MYO10: variants seen among roughly 807,000 people sequenced by gnomAD.
MYO10 encodes myosin X.
Under a neutral mutation model 257.3 loss-of-function variants are expected in MYO10, and 133 were observed. The ratio of observed to expected loss-of-function variants is 0.52; its 90% CI spans 0.45 to 0.60. The LOEUF is 0.60. Among genes scored for constraint, MYO10 ranks in the 20% least tolerant of loss-of-function variants. MYO10 has a pLI of 0.00. For missense variants in MYO10, 2,399 were observed against 2,635.7 expected, an observed-to-expected ratio of 0.91 and a Z score of 1.97; for synonymous variants, 1,104 against 1,028.6, an observed-to-expected ratio of 1.07 and a Z score of -1.40.
chr5:16,864,672 CAT>C (rs1744192836), intron 2 of MYO10, among the ~76,000 whole-genome samples: 3 of 152,168 alleles, frequency 2.0e-5, no homozygotes, highest in Admixed American at 2.0e-4. Flanking sequence ...TAAACATGCA[CAT>C]GTTTAGCCTG....
intron 19 of MYO10, among the ~76,000 whole-genome samples, chr5:16,741,121 G>A (rs1221475785): frequency 6.6e-6 from 1 of 152,156 alleles, no homozygotes; most frequent in Non-Finnish European, 1.5e-5. Context: ...ATCGGGGGGA[G>A]GCAGAGATTA....
At chr5:16,902,292 C>G in intron 1 of MYO10, 2 of 800,102 alleles carry the variant, frequency 2.5e-6, no homozygotes, top group South Asian at 2.7e-5. Context: ...GAACTCAGCT[C>G]CTTACATGGG....
intron 19 of MYO10, among the ~76,000 whole-genome samples, chr5:16,733,342 G>A (rs1311160137): frequency 6.6e-6 from 1 of 152,006 alleles, no homozygotes; most frequent in African/African-American, 2.4e-5. Flanking sequence ...GATCAAGTCA[G>A]CCCTTTTCAT....
intron 3 of MYO10, among the ~76,000 whole-genome samples, chr5:16,798,135 T>C (rs1221433520): frequency 6.6e-6 from 1 of 152,200 alleles, no homozygotes; most frequent in Non-Finnish European, 1.5e-5. Context: ...TCCCACCAGA[T>C]GCCAGCGCCA....
chr5:16,763,796 C>T (rs536496920), intron 12 of MYO10, 41 bp from the exon 13 acceptor site: 1 of 1,177,706 alleles, frequency 8.5e-7, no homozygotes, highest in African/African-American at 1.5e-5. Context: ...TTAGTGTACT[C>T]ACGATTATAT....
Position 16,704,614 on chromosome 5 carries a change from C to T in MYO10, c.2241G>A (p.Met747Ile). The change falls in exon 22 of 41, where the codon ATG becomes ATA. Residue 747 changes from methionine to isoleucine, a missense_variant. Physicochemically the swap from Met to Ile is conservative, Grantham distance 10. Transcript: ENST00000513610. Reference sequence around the variant, plus strand: ...AGCCCAAGACATGGGCCCGAATCACCATGGCCGCGTGGCTCACTTCCTCTT... The same window carrying T: ...AGCCCAAGACATGGGCCCGAATCACTATGGCCGCGTGGCTCACTTCCTCTT... ...RREEEVSHAA[M>I]VIRAHVLGFL... 3 of 1,613,940 alleles carry T rather than the reference C, an allele frequency of 1.9e-6. No homozygotes were observed. Among genetic ancestry groups the T allele is most frequent in the Non-Finnish European group, 2.5e-6 (3 of 1,179,894 alleles).
intron 2 of MYO10, among the ~76,000 whole-genome samples, chr5:16,871,484 G>C (rs1013787607): frequency 6.6e-6 from 1 of 152,092 alleles, no homozygotes; most frequent in Non-Finnish European, 1.5e-5. Context: ...GCATGTGCCC[G>C]TGGTCCCAGC....
intron 19 of MYO10, among the ~76,000 whole-genome samples, chr5:16,725,073 TTCTTC>T (rs1178223511): frequency 7.4e-6 from 1 of 135,770 alleles, no homozygotes; most frequent in Non-Finnish European, 1.6e-5. Context: ...TCTCACCTTC[TTCTTC>T]TTTTTTTTTT....
chr5:16,861,363 C>T (rs956777090), intron 2 of MYO10, among the ~76,000 whole-genome samples: 2 of 151,600 alleles, frequency 1.3e-5, no homozygotes, highest in African/African-American at 4.8e-5. Context: ...GTCAGGGGTT[C>T]GAGACCAGCC....
At chr5:16,761,167 T>C (rs1740703020) in intron 17 of MYO10, among the ~76,000 whole-genome samples, 1 of 152,006 alleles carries the variant, frequency 6.6e-6, no homozygotes, top group Non-Finnish European at 1.5e-5. Context: ...ATTTTTGTAT[T>C]TTCAGTAGAG....
intron 2 of MYO10, among the ~76,000 whole-genome samples, chr5:16,875,227 C>T (rs1161079100): frequency 6.6e-6 from 1 of 152,222 alleles, no homozygotes; most frequent in Non-Finnish European, 1.5e-5. Context: ...TTTTGTTAAA[C>T]GAATGACACT....
At chr5:16,821,179 C>T (rs1323815505) in intron 2 of MYO10, among the ~76,000 whole-genome samples, 2 of 148,088 alleles carry the variant, frequency 1.4e-5, no homozygotes, top group Non-Finnish European at 3.0e-5. Flanking sequence ...TATAAAATGA[C>T]TTAATGTTTA....
At position 16,663,325 on chromosome 5, in the gene MYO10, G is replaced by GTTTTT. The variant is rs1561158360; in HGVS notation, c.*3366_*3367insAAAAA. The GTTTTT allele has an allele frequency of 7.3e-5, 3 of 41,322 alleles. No homozygotes were observed. The highest frequency in any genetic ancestry group is 1.3e-4 in the African/African-American group (1 of 7,436). The allele number at this position is 41,322 out of a possible 1,614,324, so 2.6% of individuals were successfully genotyped here. The stretch of plus-strand genomic sequence containing the variant: ...GGAAAAAAGTAACATTTTACTTCTA[G>GTTTTT]TTGTTTTTTTTTTTTTTTTTTTTTT... On this transcript the variant is annotated 3_prime_UTR_variant, in exon 41 of 41. Transcript: ENST00000513610.
intron 19 of MYO10, among the ~76,000 whole-genome samples, chr5:16,750,612 G>A (rs1167259950): frequency 6.6e-6 from 1 of 152,124 alleles, no homozygotes; most frequent in Non-Finnish European, 1.5e-5. Context: ...GCAGCTACAG[G>A]TGTTTCTGTT....
chr5:16,703,741 G>A (rs912078565), intron 22 of MYO10, among the ~76,000 whole-genome samples: 6 of 152,062 alleles, frequency 3.9e-5, no homozygotes, highest in African/African-American at 1.4e-4. Context: ...AATTAGCCAG[G>A]TGTGGTGGCA....
At chr5:16,807,491 C>T (rs113847300) in intron 3 of MYO10, among the ~76,000 whole-genome samples, 1,879 of 152,154 alleles carry the variant, frequency 0.012, 16 homozygotes, top group Middle Eastern at 0.017. Context: ...GACCAAGTGA[C>T]GCTTCCCCAA....
chr5:16,777,466 G>A (rs1463401914), intron 9 of MYO10, among the ~76,000 whole-genome samples: 1 of 152,186 alleles, frequency 6.6e-6, no homozygotes, highest in African/African-American at 2.4e-5. Context: ...ACAGACAGTT[G>A]TAACAAATAA....
At chr5:16,915,869 A>G (rs1020811593) in intron 1 of MYO10, among the ~76,000 whole-genome samples, 11 of 151,950 alleles carry the variant, frequency 7.2e-5, no homozygotes, top group African/African-American at 2.7e-4. Context: ...AGGCACGAGA[A>G]TTGCTTGAAC....
Position 16,685,045 on chromosome 5 carries a change from CAAAA to C in MYO10, c.3990+689_3990+692del, listed in dbSNP as rs371145574. 3.0e-4 allele frequency among the ~76,000 whole-genome samples: 42 copies of C among 137,730 alleles called. No homozygotes were observed. In the South Asian group the frequency reaches 7.7e-3, roughly 25 times the overall value. 90.4% of individuals were successfully genotyped at this position (137,730 alleles called of 152,430 possible). A position where few individuals can be genotyped will look rare whatever the true frequency, so the allele number is the denominator to read the frequency against. The stretch of plus-strand genomic sequence containing the variant: ...TGGGTGACAGAGTGAGACTCCATCT[CAAAA>C]AAAAAAAATAAGAATACAATTTAGA... On this transcript the variant is annotated intron_variant, in intron 29 of 40. Coordinates refer to ENST00000513610, the MANE Select transcript of MYO10 (RefSeq NM_012334.3).
Sources: gnomAD v4.1 joint callset for allele counts (sites outside exome capture counted in the v4.1 genomes callset) on GRCh38, gnomAD v4.1.1 for gene constraint, MANE v1.5 for transcripts, NCBI Gene and HGNC (gene_info 2026-07-23, HGNC 2026-07-21) for gene names.